NOC3L: variants seen among roughly 807,000 people sequenced by gnomAD.
NOC3L encodes the protein NOC3 like DNA replication regulator, also known as nucleolar complex protein 3 homolog.
A neutral mutation model predicts 102.5 loss-of-function variants in NOC3L; 85 were observed. That is an observed-to-expected ratio of 0.83 (90% CI 0.70 to 0.99). The LOEUF is 0.99. Ranked by LOEUF, NOC3L falls within the 50% of genes least tolerant of loss-of-function variation. NOC3L has a pLI of 0.00. For missense variants in NOC3L, 878 were observed against 914.9 expected (o/e 0.96, Z 0.52); for synonymous variants, 303 against 309.4 (o/e 0.98, Z 0.22).
the NOC3L span, chr10:94,322,028 G>T: frequency 1.2e-6 from 2 of 1,614,090 alleles, no homozygotes. Flanking sequence ...AAAGCACCCC[G>T]CGTCAGCACT....
Position 94,334,738 on chromosome 10 carries a change from A to T in NOC3L, c.2190-20T>A, listed in dbSNP as rs758335302. On this transcript the variant is annotated intron_variant, in intron 19 of 20. Transcript: ENST00000371361. ...GCAGATCTAAATCACAAACACAAAA[A>T]ATGTAAAGATACCACCACATCTGTG... 6.5e-7 allele frequency: 1 copy of T among 1,549,360 alleles called. No individual in the cohort carries two copies. Among genetic ancestry groups the T allele is most frequent in the South Asian group, 1.1e-5 (1 of 88,512 alleles).
chr10:94,336,747 TTAAG>T lies in NOC3L; in HGVS notation c.2189+1026_2189+1029del, dbSNP rs778983020. On this transcript the variant is annotated intron_variant, in intron 19 of 20. Transcript: ENST00000371361. ...CATTTTCTCTCTTTCTCTGTATAAC[TTAAG>T]TATTTCCTGTCTGTATTTAAAAAAA... Among the ~76,000 whole-genome samples, 8 of 152,170 alleles carry T rather than the reference TTAAG, an allele frequency of 5.3e-5. No homozygotes were observed. In the East Asian group the frequency reaches 5.8e-4, roughly 11 times the overall value.
the NOC3L span, among the ~76,000 whole-genome samples, chr10:94,321,629 G>GAA: frequency 3.5e-3 from 367 of 104,616 alleles, 1 homozygote; most frequent in African/African-American, 0.01. Context: ...CTCCATCTCA[G>GAA]AAAAAAAAAA....
chr10:94,339,785 G>T lies in NOC3L; in HGVS notation c.1916C>A (p.Pro639Gln), dbSNP rs1340860578. The part of the protein sequence containing the change: ...RLCTLALHVL[P>Q]NSSIGILATT... ...TGCTAAAATGCCAATACTTGAATTT[G>T]GAAGAACATGAAGAGCAAGGGTACA... The change falls in exon 17 of 21, where the codon CCA becomes CAA. Residue 639 changes from proline (P) to glutamine (Q), a missense_variant. Coordinates refer to ENST00000371361, the MANE Select transcript of NOC3L (RefSeq NM_022451.11). 6.2e-7 allele frequency: 1 copy of T among 1,613,830 alleles called. No homozygotes were observed. The highest frequency in any genetic ancestry group is 1.3e-5 in the African/African-American group (1 of 74,918).
chr10:94,351,564 A>G (rs1031938320), intron 8 of NOC3L, among the ~76,000 whole-genome samples: 10 of 152,086 alleles, frequency 6.6e-5, no homozygotes, highest in Admixed American at 3.3e-4. Flanking sequence ...GTCTCACTCT[A>G]TCGCCCAGAC....
intron 3 of NOC3L, 101 bp from the exon 4 acceptor site, chr10:94,357,432 C>T: frequency 2.0e-6 from 2 of 1,006,924 alleles, no homozygotes; most frequent in Non-Finnish European, 2.7e-6. Flanking sequence ...AGCCAACTTT[C>T]AATAGGTATA....
At chr10:94,319,164 T>TAAC in the NOC3L span, among the ~76,000 whole-genome samples, 1 of 152,208 alleles carries the variant, frequency 6.6e-6, no homozygotes. Context: ...AAGGGAAGGC[T>TAAC]AACAAGATTT....
the NOC3L span, chr10:94,316,583 A>C: frequency 1.7e-5 from 27 of 1,609,148 alleles, no homozygotes; most frequent in Non-Finnish European, 2.3e-5. Flanking sequence ...ACCTGTTACC[A>C]CAGACTATTT....
the NOC3L span, chr10:94,316,606 A>G: frequency 3.7e-6 from 6 of 1,609,050 alleles, no homozygotes; most frequent in South Asian, 4.4e-5. Flanking sequence ...TGATGGAAGA[A>G]AAATATTTTA....
chr10:94,354,699 T>A (rs548528130), intron 6 of NOC3L, among the ~76,000 whole-genome samples: 5 of 152,214 alleles, frequency 3.3e-5, no homozygotes, highest in African/African-American at 1.2e-4. Flanking sequence ...TTTAGAGTTA[T>A]AAGATGTCCA....
At chr10:94,345,709 A>G (rs1489111177) in intron 11 of NOC3L, among the ~76,000 whole-genome samples, 3 of 152,156 alleles carry the variant, frequency 2.0e-5, no homozygotes, top group Non-Finnish European at 4.4e-5. Flanking sequence ...GTCTATTTTG[A>G]TACTTCCATC....
chr10:94,349,569 G>A (rs1352899858), intron 9 of NOC3L, among the ~76,000 whole-genome samples, 191 bp from the exon 10 acceptor site: 4 of 152,070 alleles, frequency 2.6e-5, no homozygotes, highest in Admixed American at 1.3e-4. Context: ...AATGTATGCC[G>A]ACATTGCCTA....
At chr10:94,337,576 GA>G (rs1162086660) in intron 19 of NOC3L, among the ~76,000 whole-genome samples, 200 bp downstream of exon 19, 12 of 151,754 alleles carry the variant, frequency 7.9e-5, no homozygotes, top group South Asian at 2.1e-4. Context: ...GACAGAAGAA[GA>G]AAAAAAATGT....
At chr10:94,326,779 A>C in the NOC3L span, among the ~76,000 whole-genome samples, 1 of 152,168 alleles carries the variant, frequency 6.6e-6, no homozygotes, top group African/African-American at 2.4e-5. Flanking sequence ...ATTTTTTCTG[A>C]CCAATGGATT....
Position 94,339,920 on chromosome 10 carries a change from C to T in NOC3L, c.1781G>A (p.Gly594Asp), listed in dbSNP as rs1238584060. Residue 594 changes from glycine (G) to aspartate (D), a missense_variant and splice_region_variant, in exon 17 of 21, where the codon GGT becomes GAT. By Grantham distance (94) the Gly-to-Asp change is moderately conservative. Transcript: ENST00000371361. Reference protein sequence around the residue: ...LYKTLFKLHAGATNEGVEIVL... With the variant: ...LYKTLFKLHADATNEGVEIVL... ...AATCTCAACACCTTCATTGGTAGCACCTAAAACAGCAGACATATTCTTCAG... is the reference window on the plus strand; with the variant it reads ...AATCTCAACACCTTCATTGGTAGCATCTAAAACAGCAGACATATTCTTCAG... The T allele has an allele frequency of 6.8e-6, 11 of 1,611,842 alleles. No homozygotes were observed. In the South Asian group the frequency reaches 7.7e-5, roughly 11 times the overall value.
chr10:94,322,048 G>A, the NOC3L span: 8 of 1,614,136 alleles, frequency 5.0e-6, no homozygotes, highest in Non-Finnish European at 6.8e-6. Flanking sequence ...TGCACAGGAT[G>A]TCATTCAGCA....
the NOC3L span, chr10:94,316,451 T>C: frequency 1.3e-6 from 1 of 778,782 alleles, no homozygotes; most frequent in South Asian, 1.4e-5. Flanking sequence ...TAAATTTCAC[T>C]TATAAATTGC....
chr10:94,354,647 C>G (rs1212120369), intron 6 of NOC3L, among the ~76,000 whole-genome samples: 1 of 152,184 alleles, frequency 6.6e-6, no homozygotes, highest in East Asian at 1.9e-4. Flanking sequence ...AATTTGCAAA[C>G]AGGTTCCTCC....
intron 19 of NOC3L, among the ~76,000 whole-genome samples, chr10:94,335,988 A>G (rs544870603): frequency 6.6e-6 from 1 of 152,318 alleles, no homozygotes; most frequent in Middle Eastern, 3.4e-3. Flanking sequence ...TTAAGCCATG[A>G]ATGGGATTAA....
Sources: gnomAD v4.1 joint callset for allele counts (sites outside exome capture counted in the v4.1 genomes callset) on GRCh38, gnomAD v4.1.1 for gene constraint, MANE v1.5 for transcripts, NCBI Gene and HGNC (gene_info 2026-07-23, HGNC 2026-07-21) for gene names.